SPATA16: variants seen among roughly 807,000 people sequenced by gnomAD.
The protein encoded by SPATA16 is spermatogenesis associated 16, also known as spermatogenesis-associated protein 16.
SPATA16 carries 36 observed loss-of-function variants against 63.3 expected under a neutral mutation model. That is an observed-to-expected ratio of 0.57 (90% CI 0.44 to 0.75). SPATA16 has a LOEUF of 0.75. SPATA16 is among the 30% of genes least tolerant of loss of function. The pLI, the probability that SPATA16 is intolerant of heterozygous loss-of-function variation, is 0.00. For missense variants in SPATA16, 646 were observed against 679.3 expected (o/e 0.95, Z 0.54); for synonymous variants, 203 against 216.7 (o/e 0.94, Z 0.56).
intron 1 of SPATA16, among the ~76,000 whole-genome samples, chr3:173,122,592 G>C (rs904297495): frequency 3.3e-5 from 5 of 151,902 alleles, no homozygotes; most frequent in African/African-American, 1.2e-4. Flanking sequence ...TTGCTTGTTA[G>C]TCTACCAGTT....
At chr3:173,123,899 C>T (rs377000525) in intron 1 of SPATA16, among the ~76,000 whole-genome samples, 11 of 151,798 alleles carry the variant, frequency 7.2e-5, no homozygotes, top group African/African-American at 1.5e-4. Flanking sequence ...CCACCACTTC[C>T]GGCCTGGTAT....
chr3:172,986,137 G>A (rs1291844261), intron 4 of SPATA16, among the ~76,000 whole-genome samples: 2 of 152,116 alleles, frequency 1.3e-5, no homozygotes, highest in African/African-American at 4.8e-5. Context: ...TGTCTTTAAT[G>A]TCTGGACCCC....
At chr3:172,915,399 G>C (rs368737345) in intron 9 of SPATA16, among the ~76,000 whole-genome samples, 63 of 152,194 alleles carry the variant, frequency 4.1e-4, no homozygotes, top group African/African-American at 1.3e-3. Flanking sequence ...AAGCTCAAAG[G>C]GGGAGGGTTT....
chr3:173,012,280 G>A (rs1450036159), intron 4 of SPATA16, among the ~76,000 whole-genome samples: 3 of 152,140 alleles, frequency 2.0e-5, no homozygotes, highest in African/African-American at 7.2e-5. Context: ...ATCATAGATG[G>A]CACAAATAAA....
intron 3 of SPATA16, among the ~76,000 whole-genome samples, chr3:173,045,426 A>G (rs1691789242): frequency 1.3e-5 from 2 of 152,104 alleles, no homozygotes; most frequent in African/African-American, 4.8e-5. Context: ...TATTTTGTCC[A>G]GTTTTACAGT....
chr3:173,068,315 T>C (rs749979327), intron 2 of SPATA16, among the ~76,000 whole-genome samples: 20 of 152,134 alleles, frequency 1.3e-4, no homozygotes, highest in Non-Finnish European at 1.6e-4. Context: ...ATAAAATATA[T>C]GAATAGAGAC....
intron 4 of SPATA16, among the ~76,000 whole-genome samples, chr3:173,003,523 T>G (rs1335806342): frequency 6.6e-6 from 1 of 152,208 alleles, no homozygotes; most frequent in East Asian, 1.9e-4. Flanking sequence ...AAACTCTAGC[T>G]TCAGTTTGCT....
At chr3:173,098,160 A>G (rs1335526045) in intron 2 of SPATA16, among the ~76,000 whole-genome samples, 1 of 151,696 alleles carries the variant, frequency 6.6e-6, no homozygotes, top group Non-Finnish European at 1.5e-5. Context: ...AAAAACTTGG[A>G]AAAAGAAGAG....
intron 10 of SPATA16, among the ~76,000 whole-genome samples, chr3:172,906,827 C>T (rs1472710003): frequency 2.6e-5 from 4 of 152,090 alleles, no homozygotes; most frequent in African/African-American, 7.2e-5. Context: ...CTGCAACCTC[C>T]GCTTCCGGGG....
chr3:172,936,231 A>G (rs1300906602), intron 6 of SPATA16, among the ~76,000 whole-genome samples: 1 of 152,154 alleles, frequency 6.6e-6, no homozygotes, highest in Non-Finnish European at 1.5e-5. Flanking sequence ...CACTAGAAAA[A>G]CCAACCAACC....
At chr3:172,995,024 G>A (rs775390806) in intron 4 of SPATA16, among the ~76,000 whole-genome samples, 1 of 152,166 alleles carries the variant, frequency 6.6e-6, no homozygotes, top group East Asian at 1.9e-4. Context: ...TGAGGGGAAA[G>A]ATCTGAGAAT....
intron 2 of SPATA16, among the ~76,000 whole-genome samples, chr3:173,059,719 T>G (rs1305470342): frequency 6.6e-6 from 1 of 152,120 alleles, no homozygotes; most frequent in African/African-American, 2.4e-5. Flanking sequence ...TTTTTGTTGT[T>G]AATTTCTGTG....
chr3:173,014,527 C>G (rs1735137912), intron 4 of SPATA16, among the ~76,000 whole-genome samples: 1 of 152,180 alleles, frequency 6.6e-6, no homozygotes, highest in African/African-American at 2.4e-5. Flanking sequence ...CATCCCAAAC[C>G]TCAGTGTCAT....
intron 10 of SPATA16, among the ~76,000 whole-genome samples, chr3:172,893,762 G>T (rs976988032): frequency 2.0e-5 from 3 of 152,184 alleles, no homozygotes; most frequent in Non-Finnish European, 2.9e-5. Flanking sequence ...ACTAATGGCC[G>T]TGAGAAGAAG....
chr3:173,074,424 G>A (rs925059915), intron 2 of SPATA16, among the ~76,000 whole-genome samples: 3 of 152,210 alleles, frequency 2.0e-5, no homozygotes, highest in South Asian at 2.1e-4. Flanking sequence ...TCATGGGGGC[G>A]ATTTTCTCCA....
intron 4 of SPATA16, among the ~76,000 whole-genome samples, chr3:172,992,187 A>T (rs113839988): frequency 3.3e-5 from 5 of 152,090 alleles, no homozygotes; most frequent in African/African-American, 1.2e-4. Context: ...TCTTCTATTT[A>T]AAAAACCACA....
chr3:172,926,358 A>G (rs1228200047), intron 6 of SPATA16, among the ~76,000 whole-genome samples: 3 of 152,226 alleles, frequency 2.0e-5, no homozygotes, highest in African/African-American at 7.2e-5. Context: ...TCAATTCTTA[A>G]TGACTGTAAG....
At chr3:172,978,498 A>G (rs990949568) in intron 4 of SPATA16, among the ~76,000 whole-genome samples, 2 of 152,206 alleles carry the variant, frequency 1.3e-5, no homozygotes, top group Admixed American at 6.5e-5. Context: ...AATTCATTTA[A>G]TAAATTCTGA....
chr3:172,942,897 C>T (rs1183760428), intron 6 of SPATA16, among the ~76,000 whole-genome samples: 1 of 149,678 alleles, frequency 6.7e-6, no homozygotes, highest in Non-Finnish European at 1.5e-5. Context: ...CGTTTCTATA[C>T]ATTCAGACAT....
Sources: gnomAD v4.1 joint callset for allele counts (sites outside exome capture counted in the v4.1 genomes callset) on GRCh38, gnomAD v4.1.1 for gene constraint, MANE v1.5 for transcripts, NCBI Gene and HGNC (gene_info 2026-07-23, HGNC 2026-07-21) for gene names.